The following KIAA1328 variants were observed in gnomAD, a reference collection of about 807,000 sequenced individuals.
KIAA1328 encodes protein hinderin.
In KIAA1328, 52 loss-of-function variants were observed where a neutral mutation model predicts 68.1. The observed-to-expected ratio is 0.76, with a 90% CI of 0.61 to 0.96. KIAA1328 has a LOEUF of 0.96. Ranked by LOEUF, KIAA1328 falls within the 40% of genes least tolerant of loss-of-function variation. The pLI is 0.00. For missense variants in KIAA1328, 641 were observed against 677.6 expected (o/e 0.95, Z 0.60); for synonymous variants, 232 against 239.4 (o/e 0.97, Z 0.28).
At chr18:36,998,142 C>A (rs994065480) in intron 6 of KIAA1328, among the ~76,000 whole-genome samples, 8 of 152,158 alleles carry the variant, frequency 5.3e-5, no homozygotes, top group African/African-American at 1.9e-4. Context: ...AACTTTGCGT[C>A]CCCCTCCAAG....
intron 6 of KIAA1328, among the ~76,000 whole-genome samples, chr18:37,057,765 A>G (rs2055976845): frequency 6.6e-6 from 1 of 152,068 alleles, no homozygotes; most frequent in Admixed American, 6.6e-5. Context: ...CTGCCTATAA[A>G]TAAGGTTTTA....
intron 7 of KIAA1328, among the ~76,000 whole-genome samples, chr18:37,072,170 T>C (rs1291851985): frequency 6.6e-6 from 1 of 152,144 alleles, no homozygotes; most frequent in South Asian, 2.1e-4. Flanking sequence ...TGTTTTGTTT[T>C]TAGATCTCTG....
At chr18:36,944,401 AC>A in intron 5 of KIAA1328, among the ~76,000 whole-genome samples, 1 of 152,128 alleles carries the variant, frequency 6.6e-6, no homozygotes, top group South Asian at 2.1e-4. Context: ...ACACGGTGAA[AC>A]CCCATCTCTA....
At chr18:37,054,461 C>T (rs147439555) in intron 6 of KIAA1328, among the ~76,000 whole-genome samples, 1 of 152,312 alleles carries the variant, frequency 6.6e-6, no homozygotes, top group East Asian at 1.9e-4. Context: ...TATAGATACA[C>T]CATGAAATAG....
chr18:36,857,947 G>A (rs2047436932), intron 4 of KIAA1328, among the ~76,000 whole-genome samples: 1 of 152,108 alleles, frequency 6.6e-6, no homozygotes, highest in Non-Finnish European at 1.5e-5. Flanking sequence ...TGTTTCATGT[G>A]CTTTTGAAAA....
chr18:37,064,209 G>A (rs894460095), intron 6 of KIAA1328, among the ~76,000 whole-genome samples: 1 of 152,134 alleles, frequency 6.6e-6, no homozygotes, highest in African/African-American at 2.4e-5. Context: ...TTGAAGAAGA[G>A]CAAGTCTTCT....
chr18:36,905,081 A>ATATT (rs55910118), intron 5 of KIAA1328, among the ~76,000 whole-genome samples: 3,619 of 142,546 alleles, frequency 0.025, 132 homozygotes, highest in African/African-American at 0.086. Context: ...TTGTAAGGAG[A>ATATT]TATTTATTTA....
chr18:37,093,328 G>C (rs536612698), intron 7 of KIAA1328, among the ~76,000 whole-genome samples: 3 of 152,038 alleles, frequency 2.0e-5, no homozygotes, highest in African/African-American at 7.2e-5. Context: ...ATGCCAAAAA[G>C]GGAACTCAAA....
chr18:36,841,930 T>G (rs1283526228), intron 3 of KIAA1328, among the ~76,000 whole-genome samples: 1 of 152,252 alleles, frequency 6.6e-6, no homozygotes, highest in African/African-American at 2.4e-5. Flanking sequence ...TTCTTGTTTT[T>G]TTTTCCCTCT....
chr18:36,883,969 T>C (rs561361844), intron 4 of KIAA1328, among the ~76,000 whole-genome samples: 42 of 148,790 alleles, frequency 2.8e-4, no homozygotes, highest in South Asian at 8.4e-4. Context: ...TATATATATA[T>C]ACACACACAG....
intron 9 of KIAA1328, among the ~76,000 whole-genome samples, chr18:37,206,888 A>G (rs1295889484): frequency 6.6e-6 from 1 of 152,168 alleles, no homozygotes; most frequent in African/African-American, 2.4e-5. Flanking sequence ...GGTTTTTTCA[A>G]ACCTTTGAAA....
rs1374510339 is a variant in KIAA1328 at position 37,162,566 on chromosome 18, G to GATT, written c.1414+2187_1414+2188insTAT. ...TGCTGTGGCACCCAACCAAATGGGAGATATAAACTTTCCATGGATGCACAG... is the reference window on the plus strand; with the variant it reads ...TGCTGTGGCACCCAACCAAATGGGAGATTATATAAACTTTCCATGGATGCACAG... On this transcript the variant is annotated intron_variant, in intron 8 of 9. Coordinates refer to ENST00000280020, the MANE Select transcript of KIAA1328 (RefSeq NM_020776.3). Among the ~76,000 whole-genome samples the GATT allele has an allele frequency of 6.6e-5, 10 of 152,306 alleles. No individual in the cohort carries two copies. The East Asian group carries it at 1.9e-3, about 29-fold the overall frequency.
At chr18:36,974,999 G>T (rs2052403456) in intron 6 of KIAA1328, among the ~76,000 whole-genome samples, 1 of 152,130 alleles carries the variant, frequency 6.6e-6, no homozygotes, top group Admixed American at 6.5e-5. Flanking sequence ...TAAACAGCCA[G>T]ATTAGTAGTA....
At chr18:37,028,052 G>C (rs1178672660) in intron 6 of KIAA1328, among the ~76,000 whole-genome samples, 1 of 152,148 alleles carries the variant, frequency 6.6e-6, no homozygotes, top group Non-Finnish European at 1.5e-5. Flanking sequence ...TGAAGGATAT[G>C]AACAGACACT....
At chr18:36,969,605 A>G (rs886820912) in intron 6 of KIAA1328, among the ~76,000 whole-genome samples, 11 of 152,102 alleles carry the variant, frequency 7.2e-5, no homozygotes, top group Non-Finnish European at 4.4e-5. Flanking sequence ...TTGAATCTCT[A>G]CACATACCAA....
chr18:36,886,878 C>A (rs1456782255), intron 5 of KIAA1328, among the ~76,000 whole-genome samples: 1 of 152,006 alleles, frequency 6.6e-6, no homozygotes, highest in Non-Finnish European at 1.5e-5. Flanking sequence ...AGATAAATTA[C>A]AATAATTAGC....
chr18:37,032,745 G>A (rs1474481336), intron 6 of KIAA1328, among the ~76,000 whole-genome samples: 2 of 152,182 alleles, frequency 1.3e-5, no homozygotes, highest in South Asian at 2.1e-4. Flanking sequence ...AGATTCAAGC[G>A]ATTCTCCTGC....
At chr18:36,911,417 A>G (rs2049443609) in intron 5 of KIAA1328, among the ~76,000 whole-genome samples, 1 of 152,190 alleles carries the variant, frequency 6.6e-6, no homozygotes, top group Non-Finnish European at 1.5e-5. Flanking sequence ...GCAGGAGAGA[A>G]TACTAATGAG....
At chr18:37,014,971 C>T (rs1173721247) in intron 6 of KIAA1328, among the ~76,000 whole-genome samples, 2 of 152,266 alleles carry the variant, frequency 1.3e-5, no homozygotes, top group Admixed American at 6.5e-5. Context: ...GGCACGATCT[C>T]GGCTCACTGC....
Sources: allele counts gnomAD v4.1 joint callset (sites outside exome capture counted in the v4.1 genomes callset), GRCh38; gene constraint gnomAD v4.1.1; transcripts MANE v1.5; gene names NCBI Gene and HGNC (gene_info 2026-07-23, HGNC 2026-07-21).